Variants in SLC10A1 observed in about 807,000 individuals in gnomAD.
The protein encoded by SLC10A1 is solute carrier family 10 member 1.
In SLC10A1, 36 loss-of-function variants were observed where a neutral mutation model predicts 20.5. The ratio of observed to expected loss-of-function variants is 1.75; its 90% CI spans 1.34 to 2.32. SLC10A1 has a LOEUF of 2.32. Among genes scored for constraint, SLC10A1 ranks in the 30% most tolerant of loss-of-function variants. The probability of loss-of-function intolerance (pLI) is 0.00; values close to 1 mark genes in which losing one functional copy is unlikely to be tolerated. For synonymous variants in SLC10A1, 188 were observed against 163.6 expected (o/e 1.15, Z -1.14); for missense variants, 545 against 439.1 (o/e 1.24, Z -2.16).
chr14:69,789,991 T>C (rs1184300976), intron 1 of SLC10A1, among the ~76,000 whole-genome samples: 1 of 150,796 alleles, frequency 6.6e-6, no homozygotes, highest in Admixed American at 6.6e-5. Context: ...AAAAGAGAGA[T>C]GGCACAAATT....
intron 1 of SLC10A1, among the ~76,000 whole-genome samples, chr14:69,794,135 G>A (rs1252085000): frequency 6.6e-6 from 1 of 152,186 alleles, no homozygotes; most frequent in Non-Finnish European, 1.5e-5. Context: ...AGTTCTAAAT[G>A]GGATGTAGAG....
At chr14:69,791,231 A>AT (rs996936236) in intron 1 of SLC10A1, among the ~76,000 whole-genome samples, 2 of 151,936 alleles carry the variant, frequency 1.3e-5, no homozygotes, top group African/African-American at 4.8e-5. Flanking sequence ...CAGACTTATA[A>AT]TTTTTTTTGT....
At chr14:69,793,420 GT>G (rs3837669) in intron 1 of SLC10A1, among the ~76,000 whole-genome samples, 1 of 151,906 alleles carries the variant, frequency 6.6e-6, no homozygotes, top group Non-Finnish European at 1.5e-5. Flanking sequence ...GGGCACATTT[GT>G]TTTTTTTATT....
chr14:69,783,779 G>A (rs1269994869), intron 2 of SLC10A1, among the ~76,000 whole-genome samples: 1 of 152,130 alleles, frequency 6.6e-6, no homozygotes, highest in Non-Finnish European at 1.5e-5. Context: ...TGAGAGGTAA[G>A]GATAGAGAGG....
chr14:69,785,534 G>A (rs564418811), intron 2 of SLC10A1, among the ~76,000 whole-genome samples: 7 of 151,208 alleles, frequency 4.6e-5, no homozygotes, highest in Non-Finnish European at 1.0e-4. Flanking sequence ...AAATACTTGC[G>A]TGTACACTGG....
chr14:69,797,156 C>T lies in SLC10A1; in HGVS notation c.-1G>A. On this transcript the variant is annotated 5_prime_UTR_variant, in exon 1 of 5. Coordinates refer to ENST00000216540, the MANE Select transcript of SLC10A1 (RefSeq NM_003049.4). ...GGGCAGACGCGTTGTGGGCCTCCAT[C>T]CTCCTGTGAGGCAGTGGAAGACCAC... 1 of 1,604,178 alleles carries T rather than the reference C, an allele frequency of 6.2e-7. No homozygotes were observed. The highest frequency in any genetic ancestry group is 8.5e-7 in the Non-Finnish European group (1 of 1,174,374).
intron 2 of SLC10A1, among the ~76,000 whole-genome samples, chr14:69,782,123 C>T (rs1883606027): frequency 6.6e-6 from 1 of 152,222 alleles, no homozygotes; most frequent in South Asian, 2.1e-4. Context: ...TTAGTCTCTG[C>T]ATCCTCACAG....
intron 4 of SLC10A1, among the ~76,000 whole-genome samples, chr14:69,777,364 G>A (rs115921791): frequency 0.011 from 1,737 of 152,180 alleles, 35 homozygotes; most frequent in African/African-American, 0.04. Flanking sequence ...ATCGGCATTT[G>A]CTTGCTAGTA....
intron 2 of SLC10A1, among the ~76,000 whole-genome samples, chr14:69,785,280 T>G (rs960183050): frequency 6.6e-6 from 1 of 152,198 alleles, no homozygotes; most frequent in Non-Finnish European, 1.5e-5. Context: ...CCACAGTGCT[T>G]CTCAAAACCT....
intron 4 of SLC10A1, 62 bp downstream of exon 4, chr14:69,778,271 G>T: frequency 7.1e-7 from 1 of 1,400,314 alleles, no homozygotes; most frequent in Non-Finnish European, 9.7e-7. Flanking sequence ...AAACTTGCTT[G>T]TTGGCAGGCT....
At chr14:69,792,874 A>C (rs1882308072) in intron 1 of SLC10A1, among the ~76,000 whole-genome samples, 1 of 150,960 alleles carries the variant, frequency 6.6e-6, no homozygotes, top group African/African-American at 2.4e-5. Flanking sequence ...TGATGTGGAC[A>C]GTATAATACT....
At chr14:69,789,230 AGCAT>A (rs1408990846) in intron 1 of SLC10A1, among the ~76,000 whole-genome samples, 3 of 152,240 alleles carry the variant, frequency 2.0e-5, no homozygotes, top group Admixed American at 2.0e-4. Context: ...GGGAACAGAA[AGCAT>A]GTTCACACAA....
At chr14:69,783,125 T>C (rs1244372805) in intron 2 of SLC10A1, among the ~76,000 whole-genome samples, 1 of 152,178 alleles carries the variant, frequency 6.6e-6, no homozygotes, top group Non-Finnish European at 1.5e-5. Flanking sequence ...AAAAATGAAA[T>C]GATGCACACA....
At chr14:69,784,173 A>G (rs937618994) in intron 2 of SLC10A1, among the ~76,000 whole-genome samples, 5 of 152,140 alleles carry the variant, frequency 3.3e-5, no homozygotes, top group Non-Finnish European at 1.5e-5. Context: ...GAATGCAGAG[A>G]AGTGCCTTTG....
At chr14:69,791,611 A>G (rs1413617647) in intron 1 of SLC10A1, among the ~76,000 whole-genome samples, 1 of 152,208 alleles carries the variant, frequency 6.6e-6, no homozygotes, top group East Asian at 1.9e-4. Context: ...ATGATTTTCA[A>G]GAACAAAGTA....
In SLC10A1 at chr14:69,776,594, G is replaced by A. The variant is rs570636573; in HGVS notation, c.944-206C>T. Among the ~76,000 whole-genome samples, 63 of 152,294 alleles carry A rather than the reference G, an allele frequency of 4.1e-4. 1 individual carries two copies. The South Asian group carries it at 0.013, about 31-fold the overall frequency. On this transcript the variant is annotated intron_variant, in intron 4 of 4. Coordinates refer to ENST00000216540, the MANE Select transcript of SLC10A1 (RefSeq NM_003049.4). The stretch of plus-strand genomic sequence containing the variant: ...CCTAATGGTAGTACTAGTAGTAAAA[G>A]TCCTAATGAATTAGACTATTGTGTC...
At chr14:69,780,521 C>T (rs982337731) in intron 2 of SLC10A1, among the ~76,000 whole-genome samples, 1 of 152,152 alleles carries the variant, frequency 6.6e-6, no homozygotes, top group Non-Finnish European at 1.5e-5. Flanking sequence ...GCAAAGTTTG[C>T]CATTTTAATC....
chr14:69,791,758 T>C (rs1051523245), intron 1 of SLC10A1, among the ~76,000 whole-genome samples: 1 of 152,164 alleles, frequency 6.6e-6, no homozygotes, highest in Non-Finnish European at 1.5e-5. Flanking sequence ...GAGAGAGATG[T>C]CATTACAAAT....
chr14:69,797,161 T>C lies in SLC10A1; in HGVS notation c.-6A>G, dbSNP rs1338484686. The C allele has an allele frequency of 6.3e-7, 1 of 1,599,508 alleles. No individual in the cohort carries two copies. On this transcript the variant is annotated 5_prime_UTR_variant, in exon 1 of 5. Coordinates refer to ENST00000216540, the MANE Select transcript of SLC10A1 (RefSeq NM_003049.4). The stretch of plus-strand genomic sequence containing the variant: ...GACGCGTTGTGGGCCTCCATCCTCC[T>C]GTGAGGCAGTGGAAGACCACTCCTT...
Sources: gnomAD v4.1 joint callset for allele counts (sites outside exome capture counted in the v4.1 genomes callset) on GRCh38, gnomAD v4.1.1 for gene constraint, MANE v1.5 for transcripts, NCBI Gene and HGNC (gene_info 2026-07-23, HGNC 2026-07-21) for gene names.